Variants in CREB5 observed in about 807,000 individuals in gnomAD.
CREB5 encodes cAMP responsive element binding protein 5, also known as cyclic AMP-responsive element-binding protein 5.
Under a neutral mutation model 57.1 loss-of-function variants are expected in CREB5, and 19 were observed. The observed-to-expected ratio is 0.33, with a 90% CI of 0.23 to 0.49. CREB5 has a LOEUF of 0.49. CREB5 is among the 20% of genes least tolerant of loss of function. CREB5 has a pLI of 0.99. For synonymous variants in CREB5, 238 were observed against 238.3 expected (o/e 1.00, Z 0.01); for missense variants, 579 against 671.6 (o/e 0.86, Z 1.52).
chr7:28,439,867 G>A (rs150542568), intron 1 of CREB5, among the ~76,000 whole-genome samples: 11 of 152,164 alleles, frequency 7.2e-5, no homozygotes, highest in South Asian at 2.1e-4. Context: ...GTAATTTTGC[G>A]TACCATTCAG....
chr7:28,507,616 A>T lies in CREB5; in HGVS notation c.170A>T (p.Asp57Val). Residue 57 changes from aspartate to valine, a missense_variant and splice_region_variant, in exon 4 of 11, where the codon GAT becomes GTT. Asp to Val is a radical substitution (Grantham distance 152). Around this residue, in one of 3 missense-constraint regions of CREB5, gnomAD observed 459 missense variants for 515.7 expected, o/e 0.89. Transcript: ENST00000357727. ...PSIKTDNMLS[D>V]QTPTPTRFLK... is the part of the protein sequence containing the mutation. ...ATGAGCTCTCCGACTCTGTTTTCAG[A>T]TCAAACTCCGACCCCAACGAGATTC... The T allele has an allele frequency of 6.2e-7, 1 of 1,608,854 alleles. No homozygotes were observed. The highest frequency in any genetic ancestry group is 2.2e-5 in the East Asian group (1 of 44,740).
chr7:28,787,505 G>A (rs1807400308), intron 7 of CREB5, among the ~76,000 whole-genome samples: 1 of 152,170 alleles, frequency 6.6e-6, no homozygotes, highest in Non-Finnish European at 1.5e-5. Context: ...GTATTCTTGG[G>A]CCAGGTGGGC....
At position 28,437,392 on chromosome 7, in the gene CREB5, A is replaced by G. The variant is rs999455136; in HGVS notation, c.3+24475A>G. ...GGAGCCTCCTTTCTTGGTACTCCGA[A>G]TCACTCTAGAAACTTGCCAAGAGAG... is the stretch of plus-strand genomic sequence containing the variant. On this transcript the variant is annotated intron_variant, in intron 1 of 10. Transcript: ENST00000357727. Among the ~76,000 whole-genome samples, 6 of 151,830 alleles carry G rather than the reference A, an allele frequency of 4.0e-5. No homozygotes were observed. The East Asian group carries it at 1.2e-3, about 30-fold the overall frequency.
intron 7 of CREB5, among the ~76,000 whole-genome samples, chr7:28,767,103 AT>A (rs1406176200): frequency 2.0e-5 from 3 of 152,262 alleles, no homozygotes; most frequent in Non-Finnish European, 4.4e-5. Flanking sequence ...TAGAAGGAGA[AT>A]TGCCCAAGAT....
At position 28,495,005 on chromosome 7, in the gene CREB5, G is replaced by A; in HGVS notation, c.169+6G>A. On this transcript the variant is annotated splice_donor_region_variant and intron_variant, in intron 3 of 10. Transcript: ENST00000357727. The stretch of plus-strand genomic sequence containing the variant: ...AACAGACAATATGTTATCAGGTAAG[G>A]AGCCATCAGGAAAAGAAGCTTTGGG... 6.3e-7 allele frequency: 1 copy of A among 1,579,908 alleles called. No homozygotes were observed. The highest frequency in any genetic ancestry group is 8.6e-7 in the Non-Finnish European group (1 of 1,167,610).
At chr7:28,737,396 C>G (rs186213158) in intron 7 of CREB5, among the ~76,000 whole-genome samples, 247 of 151,426 alleles carry the variant, frequency 1.6e-3, no homozygotes, top group African/African-American at 5.4e-3. Context: ...TTTCTTCCCC[C>G]CTCTGTTCCT....
At chr7:28,306,568 T>TTTGTTTG (rs1562649592) in intron 1 of CREB5, among the ~76,000 whole-genome samples, 2 of 132,714 alleles carry the variant, frequency 1.5e-5, no homozygotes, top group African/African-American at 2.8e-5. Context: ...TTTTTTTTTT[T>TTTGTTTG]TTTTTTTTTT....
intron 5 of CREB5, among the ~76,000 whole-genome samples, chr7:28,620,235 T>C (rs1583430368): frequency 6.6e-6 from 1 of 152,196 alleles, no homozygotes; most frequent in Admixed American, 6.5e-5. Flanking sequence ...GTTCTTGTTT[T>C]ATTATTATTA....
At chr7:28,727,364 G>T (rs1021090873) in intron 7 of CREB5, among the ~76,000 whole-genome samples, 8 of 152,074 alleles carry the variant, frequency 5.3e-5, no homozygotes, top group Admixed American at 1.3e-4. Context: ...ATTCCTGGGA[G>T]CAATACGTGT....
chr7:28,606,537 C>A (rs1187671400), intron 5 of CREB5, among the ~76,000 whole-genome samples: 2 of 152,166 alleles, frequency 1.3e-5, no homozygotes, highest in African/African-American at 4.8e-5. Flanking sequence ...GTGGCTCATG[C>A]CCATCTTCCC....
chr7:28,439,248 A>C (rs528741488), intron 1 of CREB5, among the ~76,000 whole-genome samples: 1 of 152,300 alleles, frequency 6.6e-6, no homozygotes, highest in East Asian at 1.9e-4. Flanking sequence ...CACTGCCCAT[A>C]GGGTAAAATT....
chr7:28,776,728 G>C (rs972269130), intron 7 of CREB5, among the ~76,000 whole-genome samples: 1 of 152,140 alleles, frequency 6.6e-6, no homozygotes, highest in Non-Finnish European at 1.5e-5. Flanking sequence ...GTCTGGCAAC[G>C]AGTAATCTAC....
intron 1 of CREB5, among the ~76,000 whole-genome samples, chr7:28,458,352 A>G (rs1023104703): frequency 2.0e-5 from 3 of 152,232 alleles, no homozygotes; most frequent in East Asian, 1.9e-4. Flanking sequence ...TAAAAAAGAT[A>G]GGCAGAATTG....
intron 1 of CREB5, among the ~76,000 whole-genome samples, chr7:28,332,127 T>C (rs1272274019): frequency 6.6e-6 from 1 of 152,084 alleles, no homozygotes; most frequent in East Asian, 1.9e-4. Context: ...GAAGGCTACA[T>C]GAAGATGGAG....
At chr7:28,300,812 T>A (rs541290494) in intron 1 of CREB5, among the ~76,000 whole-genome samples, 36 of 152,242 alleles carry the variant, frequency 2.4e-4, no homozygotes, top group African/African-American at 4.8e-4. Context: ...GGCATTTTTT[T>A]AAAAATACTA....
intron 5 of CREB5, among the ~76,000 whole-genome samples, chr7:28,574,223 A>G (rs1257987431): frequency 6.6e-6 from 1 of 152,220 alleles, no homozygotes; most frequent in Non-Finnish European, 1.5e-5. Context: ...GAAAACAAGC[A>G]TGTATTAAAT....
intron 1 of CREB5, among the ~76,000 whole-genome samples, chr7:28,346,325 C>T (rs536454644): frequency 4.5e-4 from 69 of 152,328 alleles, no homozygotes; most frequent in African/African-American, 1.6e-3. Flanking sequence ...AGGGCCTGTT[C>T]CCAGTTGGTA....
At chr7:28,672,481 T>C (rs913123795) in intron 5 of CREB5, among the ~76,000 whole-genome samples, 12 of 152,196 alleles carry the variant, frequency 7.9e-5, no homozygotes, top group African/African-American at 2.9e-4. Flanking sequence ...ATGCATTTAT[T>C]TGGTTACAAA....
At chr7:28,706,232 T>G (rs1434670229) in intron 5 of CREB5, among the ~76,000 whole-genome samples, 1 of 152,152 alleles carries the variant, frequency 6.6e-6, no homozygotes, top group African/African-American at 2.4e-5. Flanking sequence ...GATGGTTGCC[T>G]GTAATCCCAG....
Sources: allele counts gnomAD v4.1 joint callset (sites outside exome capture counted in the v4.1 genomes callset), GRCh38; gene constraint gnomAD v4.1.1; regional missense constraint gnomAD v4.1.1; transcripts MANE v1.5; gene names NCBI Gene and HGNC (gene_info 2026-07-23, HGNC 2026-07-21).